The following FERRY3 variants were observed in gnomAD, a reference collection of about 807,000 sequenced individuals.
FERRY3 encodes protein C12orf4.
chr12:4,521,691 G>T, the FERRY3 span, among the ~76,000 whole-genome samples: 1 of 152,060 alleles, frequency 6.6e-6, no homozygotes, highest in African/African-American at 2.4e-5. Flanking sequence ...TGAAGACGTT[G>T]TAAGAAAAAC....
At chr12:4,494,906 G>C in the FERRY3 span, among the ~76,000 whole-genome samples, 1 of 152,100 alleles carries the variant, frequency 6.6e-6, no homozygotes, top group African/African-American at 2.4e-5. Flanking sequence ...ATCAATTTTA[G>C]AACTATTATC....
the FERRY3 span, chr12:4,534,170 T>G: frequency 6.2e-7 from 1 of 1,605,172 alleles, no homozygotes; most frequent in Non-Finnish European, 8.5e-7. Context: ...AGCATAAGCT[T>G]TGGCCCATGT....
At chr12:4,492,893 CT>C in the FERRY3 span, among the ~76,000 whole-genome samples, 1 of 152,166 alleles carries the variant, frequency 6.6e-6, no homozygotes, top group African/African-American at 2.4e-5. Flanking sequence ...GCCAAAGCTA[CT>C]TTAAGCTTCT....
the FERRY3 span, chr12:4,536,224 C>A: frequency 3.4e-6 from 5 of 1,468,784 alleles, no homozygotes; most frequent in Admixed American, 4.5e-5. Context: ...ACAGAACTAA[C>A]AAAAAAGCAG....
At chr12:4,500,496 G>A in the FERRY3 span, among the ~76,000 whole-genome samples, 1 of 152,106 alleles carries the variant, frequency 6.6e-6, no homozygotes, top group Non-Finnish European at 1.5e-5. Context: ...TGTGATTACT[G>A]CTCTTCAATT....
the FERRY3 span, among the ~76,000 whole-genome samples, chr12:4,507,125 ATCC>A: frequency 1.3e-5 from 2 of 152,102 alleles, no homozygotes; most frequent in South Asian, 2.1e-4. Flanking sequence ...TATACTTAGA[ATCC>A]TCCTCCTCCT....
At chr12:4,536,785 G>A in the FERRY3 span, among the ~76,000 whole-genome samples, 3,432 of 152,178 alleles carry the variant, frequency 0.023, 104 homozygotes, top group African/African-American at 0.078. Flanking sequence ...CACTACTAAG[G>A]AAGAAGAAAA....
chr12:4,518,429 A>G, the FERRY3 span, among the ~76,000 whole-genome samples: 1 of 152,260 alleles, frequency 6.6e-6, no homozygotes, highest in Admixed American at 6.5e-5. Context: ...TATCTGCAAA[A>G]AACATTATAT....
the FERRY3 span, among the ~76,000 whole-genome samples, chr12:4,526,854 A>G: frequency 3.3e-5 from 5 of 149,604 alleles, no homozygotes; most frequent in East Asian, 9.7e-4. Context: ...AAAAAAAAAA[A>G]GGGTGAATTT....
chr12:4,494,152 A>C, the FERRY3 span, among the ~76,000 whole-genome samples: 4 of 152,154 alleles, frequency 2.6e-5, no homozygotes, highest in Admixed American at 6.6e-5. Flanking sequence ...GGCTCTAAAA[A>C]CTACAATAAT....
At chr12:4,491,077 T>C in the FERRY3 span, 1 of 1,040,310 alleles carries the variant, frequency 9.6e-7, no homozygotes, top group Non-Finnish European at 1.5e-6. Flanking sequence ...AGGCACTAGA[T>C]TACAGGGGTA....
chr12:4,520,090 G>T, the FERRY3 span, among the ~76,000 whole-genome samples: 2 of 152,214 alleles, frequency 1.3e-5, no homozygotes, highest in African/African-American at 4.8e-5. Flanking sequence ...ATAGGATGCT[G>T]TCATACAAGG....
At chr12:4,494,829 T>G in the FERRY3 span, among the ~76,000 whole-genome samples, 1 of 152,252 alleles carries the variant, frequency 6.6e-6, no homozygotes, top group Non-Finnish European at 1.5e-5. Flanking sequence ...CATATACATT[T>G]TAGAATTAGC....
chr12:4,498,561 A>G, the FERRY3 span, among the ~76,000 whole-genome samples: 2 of 152,226 alleles, frequency 1.3e-5, no homozygotes, highest in East Asian at 1.9e-4. Flanking sequence ...AATCAAAACA[A>G]CAACGTGCCT....
chr12:4,492,301 T>G, the FERRY3 span, among the ~76,000 whole-genome samples: 1 of 152,188 alleles, frequency 6.6e-6, no homozygotes, highest in Non-Finnish European at 1.5e-5. Flanking sequence ...ACAGAAGATA[T>G]CTGGATTCTG....
the FERRY3 span, among the ~76,000 whole-genome samples, chr12:4,502,975 CA>C: frequency 6.6e-6 from 1 of 152,180 alleles, no homozygotes; most frequent in Admixed American, 6.5e-5. The surrounding 1 kb of genome is among the most constrained non-coding windows in gnomAD (Gnocchi z 4.2). Flanking sequence ...GACTGCTTAT[CA>C]GAAACTCAGT....
chr12:4,492,822 C>T, the FERRY3 span, among the ~76,000 whole-genome samples: 1 of 152,122 alleles, frequency 6.6e-6, no homozygotes, highest in Non-Finnish European at 1.5e-5. Flanking sequence ...CAATTGCTTC[C>T]TACTGTCTCA....
At chr12:4,525,682 A>G in the FERRY3 span, 1 of 839,654 alleles carries the variant, frequency 1.2e-6, no homozygotes, top group Non-Finnish European at 1.8e-6. Flanking sequence ...AAAATAAAAA[A>G]TTTATTTTAT....
At chr12:4,538,459 C>A in the FERRY3 span, 40 of 169,582 alleles carry the variant, frequency 2.4e-4, no homozygotes, top group Non-Finnish European at 3.8e-4. Context: ...GCTGTCAGCG[C>A]GTCCTGCACT....
Sources: gnomAD v4.1 joint callset for allele counts (sites outside exome capture counted in the v4.1 genomes callset) on GRCh38, gnomAD v4.1.1 for gene constraint, Gnocchi (gnomAD v3.1) non-coding constraint, MANE v1.5 for transcripts, NCBI Gene and HGNC (gene_info 2026-07-23, HGNC 2026-07-21) for gene names.